C14orf132: variants seen among roughly 807,000 people sequenced by gnomAD.
The protein encoded by C14orf132 is uncharacterized protein C14orf132.
In C14orf132, 6 loss-of-function variants were observed where a neutral mutation model predicts 5.8. The observed-to-expected ratio is 1.03, with a 90% CI of 0.57 to 2.04. C14orf132 has a LOEUF of 2.04. Ranked by LOEUF, C14orf132 falls within the 30% of genes most tolerant of loss-of-function variation. The pLI is 0.00. For synonymous variants in C14orf132, 51 were observed against 49.8 expected (o/e 1.02, Z -0.10); for missense variants, 125 against 115.8 (o/e 1.08, Z -0.37).
rs1479426721 is a variant in C14orf132 at position 96,049,649 on chromosome 14, T to TAGAG, written c.27+10123_27+10124insGAGA. Among the ~76,000 whole-genome samples, 3 of 79,630 alleles carry TAGAG rather than the reference T, an allele frequency of 3.8e-5. 1 individual carries two copies. Among genetic ancestry groups the TAGAG allele is most frequent in the Middle Eastern group, 7.0e-3 (1 of 142 alleles). 52.2% of individuals were successfully genotyped at this position (79,630 alleles called of 152,430 possible). A position where few individuals can be genotyped will look rare whatever the true frequency, so the allele number is the denominator to read the frequency against. On this transcript the variant is annotated intron_variant, in intron 1 of 1. Coordinates refer to ENST00000555004, the MANE Select transcript of C14orf132 (RefSeq NM_001252507.3). ...ATATATACATATATACGTATATATA[T>TAGAG]ATATAGAGAGAGAGAGAGAGAGAGT...
intron 1 of C14orf132, among the ~76,000 whole-genome samples, chr14:96,080,906 C>T (rs530184613): frequency 5.3e-5 from 8 of 152,338 alleles, no homozygotes; most frequent in East Asian, 3.9e-4. Context: ...AACCATCACG[C>T]GTTTGGTGCA....
intron 1 of C14orf132, among the ~76,000 whole-genome samples, chr14:96,054,518 C>A (rs146562765): frequency 6.6e-6 from 1 of 152,160 alleles, no homozygotes; most frequent in South Asian, 2.1e-4. Flanking sequence ...TTCTTGGAGC[C>A]TCAGTTTCCC....
chr14:96,046,385 T>C (rs373287056), intron 1 of C14orf132, among the ~76,000 whole-genome samples: 73 of 152,294 alleles, frequency 4.8e-4, no homozygotes, highest in African/African-American at 1.5e-3. Flanking sequence ...AACAAGGGTG[T>C]GTAGAGCTTG....
intron 1 of C14orf132, among the ~76,000 whole-genome samples, chr14:96,047,237 G>C (rs532848690): frequency 6.6e-5 from 10 of 152,354 alleles, no homozygotes; most frequent in African/African-American, 2.4e-4. Flanking sequence ...AGCAGTTCAA[G>C]AAGTAAACAT....
At chr14:96,076,599 C>A (rs749100936) in intron 1 of C14orf132, among the ~76,000 whole-genome samples, 1 of 144,336 alleles carries the variant, frequency 6.9e-6, no homozygotes, top group Admixed American at 7.2e-5. Context: ...TACACTAACA[C>A]TAATGATAGC....
intron 1 of C14orf132, among the ~76,000 whole-genome samples, chr14:96,045,136 A>G (rs895512215): frequency 6.6e-6 from 1 of 152,172 alleles, no homozygotes; most frequent in Non-Finnish European, 1.5e-5. Context: ...GTGTCTTAGA[A>G]AATGTTTCCT....
intron 1 of C14orf132, among the ~76,000 whole-genome samples, chr14:96,052,104 G>T (rs1210575137): frequency 6.6e-6 from 1 of 152,260 alleles, no homozygotes; most frequent in Non-Finnish European, 1.5e-5. Context: ...AGTCATCCAG[G>T]TGAGAAGAGG....
At chr14:96,069,186 T>TATATATATATATGTAG (rs1887627138) in intron 1 of C14orf132, among the ~76,000 whole-genome samples, 1 of 144,128 alleles carries the variant, frequency 6.9e-6, no homozygotes, top group African/African-American at 2.5e-5. Context: ...TATGTATATA[T>TATATATATATATGTAG]ATATATATGT....
intron 1 of C14orf132, among the ~76,000 whole-genome samples, chr14:96,059,766 G>C (rs1379880189): frequency 6.6e-6 from 1 of 152,144 alleles, no homozygotes; most frequent in Non-Finnish European, 1.5e-5. Context: ...TCACCTGGGG[G>C]GTGTCTCCAG....
At chr14:96,069,253 G>A (rs1887630934) in intron 1 of C14orf132, among the ~76,000 whole-genome samples, 2 of 76,044 alleles carry the variant, frequency 2.6e-5, no homozygotes, top group African/African-American at 4.8e-5. Context: ...TTCTGTTTAT[G>A]TTCATATATA....
At chr14:96,061,234 G>A (rs1887346881) in intron 1 of C14orf132, among the ~76,000 whole-genome samples, 1 of 152,252 alleles carries the variant, frequency 6.6e-6, no homozygotes, top group East Asian at 1.9e-4. Context: ...AGATAAGAAC[G>A]ATAAGGCCCA....
intron 1 of C14orf132, among the ~76,000 whole-genome samples, chr14:96,063,789 A>G (rs1261250586): frequency 2.6e-5 from 4 of 152,190 alleles, no homozygotes; most frequent in African/African-American, 9.7e-5. Context: ...CAGACAACCC[A>G]CAGAGTGGGA....
At chr14:96,057,399 G>A (rs1199730493) in intron 1 of C14orf132, among the ~76,000 whole-genome samples, 1 of 152,186 alleles carries the variant, frequency 6.6e-6, no homozygotes, top group Non-Finnish European at 1.5e-5. Context: ...CCAGAACTAG[G>A]AGAAATAAAA....
intron 1 of C14orf132, among the ~76,000 whole-genome samples, chr14:96,048,396 C>T (rs947689758): frequency 6.6e-6 from 1 of 152,218 alleles, no homozygotes; most frequent in Non-Finnish European, 1.5e-5. Context: ...CTACTATCTT[C>T]ACAGTTTTAC....
At chr14:96,078,839 A>G (rs906219013) in intron 1 of C14orf132, among the ~76,000 whole-genome samples, 2 of 152,230 alleles carry the variant, frequency 1.3e-5, no homozygotes, top group Non-Finnish European at 2.9e-5. Context: ...CCAGCCTCCC[A>G]GCAGTTCCTG....
intron 1 of C14orf132, among the ~76,000 whole-genome samples, chr14:96,063,041 A>G (rs2139660630): frequency 6.6e-6 from 1 of 152,286 alleles, no homozygotes; most frequent in Non-Finnish European, 1.5e-5. Flanking sequence ...TATCACAGAA[A>G]AAAATTTTTT....
rs35138535 is a variant in C14orf132 at position 96,090,390 on chromosome 14, CAAA to C, written c.*3668_*3670del. Reference sequence around the variant, plus strand: ...TGGGCAACAGAACGAGACTCTGTCTCAAAAAAAAAAAAAAAGAAAAGAAAAAAA... The same window carrying C: ...TGGGCAACAGAACGAGACTCTGTCTCAAAAAAAAAAAAGAAAAGAAAAAAA... On this transcript the variant is annotated 3_prime_UTR_variant, in exon 2 of 2. Transcript: ENST00000555004. The C allele has an allele frequency of 3.5e-3, 689 of 198,056 alleles. No homozygotes were observed. Among genetic ancestry groups the C allele is most frequent in the Middle Eastern group, 6.9e-3 (4 of 582 alleles). 12.3% of individuals were successfully genotyped at this position (198,056 alleles called of 1,614,324 possible).
At chr14:96,044,659 G>T (rs1886785980) in intron 1 of C14orf132, among the ~76,000 whole-genome samples, 1 of 152,156 alleles carries the variant, frequency 6.6e-6, no homozygotes. Context: ...GGTGCTGGGG[G>T]TGGGGGTGGA....
At chr14:96,083,929 G>T (rs1371689158) in intron 1 of C14orf132, among the ~76,000 whole-genome samples, 2 of 152,230 alleles carry the variant, frequency 1.3e-5, no homozygotes, top group Non-Finnish European at 2.9e-5. Context: ...GAATACAGGT[G>T]CCGAGTGCCT....
Sources: gnomAD v4.1 joint callset for allele counts (sites outside exome capture counted in the v4.1 genomes callset) on GRCh38, gnomAD v4.1.1 for gene constraint, MANE v1.5 for transcripts, NCBI Gene and HGNC (gene_info 2026-07-23, HGNC 2026-07-21) for gene names.